Variants in BBS9 observed in about 807,000 individuals in gnomAD.
BBS9 encodes the protein protein PTHB1.
BBS9 carries 89 observed loss-of-function variants against 117.7 expected under a neutral mutation model. That is an observed-to-expected ratio of 0.76 (90% CI 0.64 to 0.90). BBS9 has a LOEUF of 0.90. Ranked by LOEUF, BBS9 falls within the 40% of genes least tolerant of loss-of-function variation. BBS9 has a pLI of 0.00. For synonymous variants in BBS9, 379 were observed against 370.9 expected (o/e 1.02, Z -0.25); for missense variants, 982 against 1,042.2 (o/e 0.94, Z 0.80).
intron 9 of BBS9, among the ~76,000 whole-genome samples, chr7:33,309,390 T>G (rs1025205335): frequency 1.3e-5 from 2 of 152,126 alleles, no homozygotes; most frequent in Admixed American, 1.3e-4. Flanking sequence ...GAACCCAAGA[T>G]TTCCAAGACT....
At chr7:33,531,431 G>A (rs907665751) in intron 20 of BBS9, among the ~76,000 whole-genome samples, 1 of 152,094 alleles carries the variant, frequency 6.6e-6, no homozygotes, top group Non-Finnish European at 1.5e-5. Flanking sequence ...AAAAAAGGAG[G>A]GAGGGCTGTG....
At chr7:33,207,600 G>A (rs1283156676) in intron 5 of BBS9, among the ~76,000 whole-genome samples, 1 of 149,538 alleles carries the variant, frequency 6.7e-6, no homozygotes, top group African/African-American at 2.5e-5. Flanking sequence ...AGGCTAATCT[G>A]ATACCTATCC....
At chr7:33,240,268 T>G (rs1290245955) in intron 5 of BBS9, among the ~76,000 whole-genome samples, 1 of 151,892 alleles carries the variant, frequency 6.6e-6, no homozygotes, top group Non-Finnish European at 1.5e-5. Context: ...TTCTTTTTTT[T>G]TTTTTTTGAG....
intron 19 of BBS9, among the ~76,000 whole-genome samples, chr7:33,434,426 G>T (rs143621853): frequency 1.1e-3 from 174 of 152,150 alleles, no homozygotes; most frequent in African/African-American, 3.9e-3. Context: ...CAACTCAATA[G>T]ATAGCCTTCT....
intron 21 of BBS9, among the ~76,000 whole-genome samples, chr7:33,580,534 G>T (rs1181300856): frequency 6.6e-6 from 1 of 152,012 alleles, no homozygotes; most frequent in Non-Finnish European, 1.5e-5. Context: ...GCCAAGAAAA[G>T]ACTTTGTTTT....
chr7:33,383,897 A>C, intron 18 of BBS9, 59 bp downstream of exon 18: 1 of 1,542,214 alleles, frequency 6.5e-7, no homozygotes, highest in Non-Finnish European at 8.9e-7. Context: ...AGAGAAATAG[A>C]TGCTATAGAA....
chr7:33,196,762 A>G (rs1335661021), intron 5 of BBS9, among the ~76,000 whole-genome samples: 2 of 152,164 alleles, frequency 1.3e-5, no homozygotes, highest in African/African-American at 4.8e-5. Context: ...GATCAAGGGG[A>G]TAATAGGATT....
intron 19 of BBS9, among the ~76,000 whole-genome samples, chr7:33,490,176 G>A (rs1313875949): frequency 6.6e-6 from 1 of 152,114 alleles, no homozygotes; most frequent in African/African-American, 2.4e-5. Context: ...TACTTCGAAG[G>A]AAGAAATACA....
At chr7:33,581,110 GA>G (rs1859820495) in intron 21 of BBS9, among the ~76,000 whole-genome samples, 1 of 151,826 alleles carries the variant, frequency 6.6e-6, no homozygotes, top group South Asian at 2.1e-4. Flanking sequence ...GAGAGAGAGA[GA>G]GAGAGGAAGA....
intron 19 of BBS9, among the ~76,000 whole-genome samples, chr7:33,489,103 C>T (rs894728537): frequency 1.3e-5 from 2 of 150,608 alleles, no homozygotes; most frequent in Non-Finnish European, 2.9e-5. Flanking sequence ...AGCAATTCTC[C>T]TGCCTCAGCC....
intron 19 of BBS9, among the ~76,000 whole-genome samples, chr7:33,474,465 A>T (rs1841515307): frequency 6.6e-6 from 1 of 152,226 alleles, no homozygotes; most frequent in Non-Finnish European, 1.5e-5. Flanking sequence ...AATTTTTAAC[A>T]TATAAATATC....
At chr7:33,570,655 T>C (rs1419259522) in intron 21 of BBS9, among the ~76,000 whole-genome samples, 1 of 152,214 alleles carries the variant, frequency 6.6e-6, no homozygotes, top group Non-Finnish European at 1.5e-5. Flanking sequence ...AAACTGTTAC[T>C]TTACAGGAGA....
At chr7:33,330,699 G>A (rs1050150651) in intron 9 of BBS9, among the ~76,000 whole-genome samples, 1 of 152,138 alleles carries the variant, frequency 6.6e-6, no homozygotes, top group African/African-American at 2.4e-5. Context: ...GCAAAATTCT[G>A]TTGTTTAATT....
At chr7:33,236,405 A>G (rs1362370) in intron 5 of BBS9, among the ~76,000 whole-genome samples, 17,099 of 151,426 alleles carry the variant, frequency 0.11, 1,147 homozygotes, top group African/African-American at 0.18. Context: ...ATGTTGTTAA[A>G]TTTTATGACT....
At chr7:33,293,551 A>G (rs10268593) in intron 9 of BBS9, among the ~76,000 whole-genome samples, 24,330 of 152,144 alleles carry the variant, frequency 0.16, 2,294 homozygotes, top group Non-Finnish European at 0.21. Flanking sequence ...CCATGATGTC[A>G]TCTAGGAAAA....
intron 20 of BBS9, among the ~76,000 whole-genome samples, chr7:33,520,020 T>G (rs973068477): frequency 2.0e-5 from 3 of 151,902 alleles, no homozygotes; most frequent in Admixed American, 1.3e-4. Flanking sequence ...GGTTTTTTTT[T>G]TTTTTTTGGA....
chr7:33,454,804 A>G (rs908811561), intron 19 of BBS9, among the ~76,000 whole-genome samples: 2 of 152,152 alleles, frequency 1.3e-5, no homozygotes, highest in Non-Finnish European at 2.9e-5. Context: ...TGCTAAAAAG[A>G]ACATATTTAG....
At position 33,519,255 on chromosome 7, in the gene BBS9, T is replaced by A. The variant is rs533815766; in HGVS notation, c.2298+13610T>A. Among the ~76,000 whole-genome samples the A allele has an allele frequency of 8.5e-5, 13 of 152,306 alleles. No individual in the cohort carries two copies. The South Asian group carries it at 2.7e-3, about 32-fold the overall frequency. On this transcript the variant is annotated intron_variant, in intron 20 of 22. Transcript: ENST00000242067. ...TGGTACCTTTAGCTTACTCACATGG[T>A]TCTTCTCTTGTCCTAGGTGGCAATA...
At chr7:33,160,138 T>C (rs1014015910) in intron 4 of BBS9, among the ~76,000 whole-genome samples, 1 of 152,180 alleles carries the variant, frequency 6.6e-6, no homozygotes, top group African/African-American at 2.4e-5. Context: ...CAAAGTCTGT[T>C]GTGTGACCAT....
Sources: gnomAD v4.1 joint callset for allele counts (sites outside exome capture counted in the v4.1 genomes callset) on GRCh38, gnomAD v4.1.1 for gene constraint, MANE v1.5 for transcripts, NCBI Gene and HGNC (gene_info 2026-07-23, HGNC 2026-07-21) for gene names.